The following TBC1D5 variants were observed in gnomAD, a reference collection of about 807,000 sequenced individuals.
TBC1D5 encodes the protein TBC1 domain family member 5.
Under a neutral mutation model 100.3 loss-of-function variants are expected in TBC1D5, and 75 were observed. That is an observed-to-expected ratio of 0.75 (90% CI 0.62 to 0.91). The LOEUF is 0.91. TBC1D5 is among the 40% of genes least tolerant of loss of function. The pLI is 0.00. For missense variants in TBC1D5, 910 were observed against 942.4 expected, an observed-to-expected ratio of 0.97 and a Z score of 0.45; for synonymous variants, 323 against 325.6, an observed-to-expected ratio of 0.99 and a Z score of 0.09.
chr3:17,284,924 G>A (rs1242237363), intron 15 of TBC1D5, among the ~76,000 whole-genome samples: 1 of 151,586 alleles, frequency 6.6e-6, no homozygotes, highest in Non-Finnish European at 1.5e-5. Flanking sequence ...TCTAGTGATA[G>A]AAAAGAAAAA....
intron 18 of TBC1D5, among the ~76,000 whole-genome samples, chr3:17,196,956 T>C (rs779691095): frequency 1.1e-4 from 16 of 152,098 alleles, no homozygotes; most frequent in Non-Finnish European, 2.2e-4. Context: ...CAAGAAATAA[T>C]GGGTGAATGC....
At chr3:17,183,113 C>G (rs183655458) in intron 19 of TBC1D5, among the ~76,000 whole-genome samples, 39 of 152,250 alleles carry the variant, frequency 2.6e-4, no homozygotes, top group South Asian at 1.0e-3. Context: ...AACTCTCCCC[C>G]CAACTGGAGA....
intron 1 of TBC1D5, among the ~76,000 whole-genome samples, chr3:17,679,439 T>C (rs2069148060): frequency 1.3e-5 from 2 of 151,554 alleles, no homozygotes; most frequent in African/African-American, 2.4e-5. Flanking sequence ...AACTTCAATA[T>C]TCAAAATGAC....
At chr3:17,642,746 A>G (rs1009666053) in intron 1 of TBC1D5, among the ~76,000 whole-genome samples, 1 of 152,172 alleles carries the variant, frequency 6.6e-6, no homozygotes, top group Non-Finnish European at 1.5e-5. Context: ...TTTCATTACT[A>G]AAACTAAGAC....
At chr3:17,625,199 G>A (rs544118087) in intron 1 of TBC1D5, among the ~76,000 whole-genome samples, 3 of 151,878 alleles carry the variant, frequency 2.0e-5, no homozygotes, top group Admixed American at 2.0e-4. Flanking sequence ...CAGCAGAAGT[G>A]TCTTATTGTT....
chr3:17,704,980 G>C (rs1445557502), intron 1 of TBC1D5, among the ~76,000 whole-genome samples: 16 of 123,020 alleles, frequency 1.3e-4, no homozygotes, highest in African/African-American at 2.5e-4. Context: ...CTCCCAGACG[G>C]GGCGGCTGGC....
chr3:17,486,749 T>A (rs1252227240), intron 3 of TBC1D5, among the ~76,000 whole-genome samples: 1 of 152,196 alleles, frequency 6.6e-6, no homozygotes, highest in East Asian at 1.9e-4. Flanking sequence ...CTTCACCCTC[T>A]AGATCTACTG....
intron 1 of TBC1D5, among the ~76,000 whole-genome samples, chr3:17,626,650 C>A (rs935882633): frequency 6.6e-6 from 1 of 151,852 alleles, no homozygotes; most frequent in Non-Finnish European, 1.5e-5. Context: ...ACAGAGGGGG[C>A]AAGACAAGAG....
intron 19 of TBC1D5, among the ~76,000 whole-genome samples, chr3:17,183,430 G>C (rs1309228797): frequency 6.6e-6 from 1 of 152,172 alleles, no homozygotes; most frequent in Non-Finnish European, 1.5e-5. Flanking sequence ...CGACCGAACT[G>C]GCGACTTGGT....
intron 13 of TBC1D5, among the ~76,000 whole-genome samples, 187 bp from the exon 14 acceptor site, chr3:17,308,321 A>G (rs2083615152): frequency 6.6e-6 from 1 of 152,074 alleles, no homozygotes; most frequent in Admixed American, 6.5e-5. Flanking sequence ...TAACTAGGCC[A>G]TCATCATTAA....
chr3:17,233,434 A>T (rs1296750327), intron 17 of TBC1D5, among the ~76,000 whole-genome samples: 1 of 152,162 alleles, frequency 6.6e-6, no homozygotes, highest in East Asian at 1.9e-4. Context: ...AGGGTGAATC[A>T]TATTTTGCAA....
intron 3 of TBC1D5, among the ~76,000 whole-genome samples, chr3:17,470,850 G>T (rs895209237): frequency 1.3e-5 from 2 of 152,094 alleles, no homozygotes; most frequent in Admixed American, 6.5e-5. Flanking sequence ...TGAACCTGGA[G>T]GCAGAAGTTG....
intron 1 of TBC1D5, among the ~76,000 whole-genome samples, chr3:17,666,295 A>G (rs1268676781): frequency 2.0e-5 from 3 of 152,208 alleles, no homozygotes; most frequent in Non-Finnish European, 1.5e-5. Context: ...GATACACTGC[A>G]GTCTTATGAC....
At chr3:17,413,688 C>A (rs1408979408) in intron 4 of TBC1D5, among the ~76,000 whole-genome samples, 1 of 152,086 alleles carries the variant, frequency 6.6e-6, no homozygotes, top group East Asian at 1.9e-4. Flanking sequence ...TAATTTATGA[C>A]TAGAAGGCTT....
At chr3:17,298,267 G>A (rs1294551568) in intron 14 of TBC1D5, among the ~76,000 whole-genome samples, 3 of 151,506 alleles carry the variant, frequency 2.0e-5, no homozygotes, top group Admixed American at 1.3e-4. Context: ...TTTTTGTGTT[G>A]GACTGTATTC....
chr3:17,547,337 G>A (rs1415247094), intron 2 of TBC1D5, among the ~76,000 whole-genome samples: 5 of 151,952 alleles, frequency 3.3e-5, no homozygotes, highest in African/African-American at 4.8e-5. Context: ...CTTCTGTCTC[G>A]GTTATTTAGC....
rs1313365693 is a variant in TBC1D5 at position 17,474,061 on chromosome 3, C to T, written c.97+34413G>A. Among the ~76,000 whole-genome samples the T allele has an allele frequency of 3.9e-5, 6 of 152,184 alleles. No homozygotes were observed. The East Asian group carries it at 5.8e-4, about 15-fold the overall frequency. ...GGAAGTTTTCCTCTAAAATAATTTA[C>T]TTAACAAGGAGTAAACTGACATAAA... is the stretch of plus-strand genomic sequence containing the variant. On this transcript the variant is annotated intron_variant, in intron 3 of 21. Coordinates refer to ENST00000253692, the Ensembl canonical transcript of TBC1D5.
At position 17,591,064 on chromosome 3, in the gene TBC1D5, G is replaced by A. The variant is rs9755276; in HGVS notation, c.-36+32785C>T. ...ATCCTGGCTAACACGGTGAAACTCC[G>A]TCTCTACTAAAAATACAAAAAATTA... On this transcript the variant is annotated intron_variant, in intron 2 of 21. Transcript: ENST00000253692. Among the ~76,000 whole-genome samples, 183 of 151,456 alleles carry A rather than the reference G, an allele frequency of 1.2e-3. 1 individual carries two copies. The highest frequency in any genetic ancestry group is 3.9e-3 in the African/African-American group (161 of 41,304).
chr3:17,533,893 T>G (rs550487256), intron 2 of TBC1D5, among the ~76,000 whole-genome samples: 58 of 152,092 alleles, frequency 3.8e-4, no homozygotes, highest in Non-Finnish European at 7.4e-5. Context: ...ATCATTCAGA[T>G]AGATAGATAG....
Sources: allele counts gnomAD v4.1 joint callset (sites outside exome capture counted in the v4.1 genomes callset), GRCh38; gene constraint gnomAD v4.1.1; transcripts MANE v1.5; gene names NCBI Gene and HGNC (gene_info 2026-07-23, HGNC 2026-07-21).